FLT4: variants seen among roughly 807,000 people sequenced by gnomAD.
FLT4 encodes the protein vascular endothelial growth factor receptor 3.
FLT4 carries 30 observed loss-of-function variants against 163.2 expected under a neutral mutation model. The ratio of observed to expected loss-of-function variants is 0.18; its 90% CI spans 0.14 to 0.25. The LOEUF is 0.25. Among genes scored for constraint, FLT4 ranks in the 10% least tolerant of loss-of-function variants. The pLI is 1.00. For synonymous variants in FLT4, 884 were observed against 789.5 expected (o/e 1.12, Z -2.01); for missense variants, 1,510 against 1,863.8 (o/e 0.81, Z 3.50).
chr5:180,631,826 C>T (rs199556544), intron 1 of FLT4, 48 bp from the exon 2 acceptor site: 30 of 1,324,058 alleles, frequency 2.3e-5, no homozygotes, highest in East Asian at 1.6e-4. Flanking sequence ...TGACTTGGCA[C>T]GACGTTGATG....
chr5:180,609,165 C>T (rs1761984217), intron 28 of FLT4, 112 bp from the exon 29 acceptor site: 1 of 845,170 alleles, frequency 1.2e-6, no homozygotes, highest in South Asian at 1.3e-5. Context: ...TGACCTAACA[C>T]CTGTCCCTGG....
chr5:180,602,913 G>A lies in FLT4; in HGVS notation c.*279C>T, dbSNP rs763247684. 2.2e-4 allele frequency: 128 copies of A among 588,886 alleles called. No homozygotes were observed. The highest frequency in any genetic ancestry group is 3.6e-4 in the Non-Finnish European group (119 of 330,382). 36.5% of individuals were successfully genotyped at this position (588,886 alleles called of 1,614,324 possible). On this transcript the variant is annotated 3_prime_UTR_variant, in exon 30 of 30. Transcript: ENST00000261937. ...ACATTCCCATGGAAGTGCTGGCCCCGGGACCAGCACCTGCGGATGCTGAAC... is the reference window on the plus strand; with the variant it reads ...ACATTCCCATGGAAGTGCTGGCCCCAGGACCAGCACCTGCGGATGCTGAAC...
At chr5:180,649,397 G>A (rs1336589073) in intron 1 of FLT4, 91 bp downstream of exon 1, 67 of 975,962 alleles carry the variant, frequency 6.9e-5, no homozygotes, top group Admixed American at 6.5e-5. Context: ...CCCGTACCCG[G>A]CGGAGCGGTC....
At position 180,625,732 on chromosome 5, in the gene FLT4, G is replaced by A. The variant is rs562809678; in HGVS notation, c.1421+137C>T. 7 of 811,574 alleles carry A rather than the reference G, an allele frequency of 8.6e-6. No homozygotes were observed. In the African/African-American group the frequency reaches 1.0e-4, roughly 12 times the overall value. 50.3% of individuals were successfully genotyped at this position (811,574 alleles called of 1,614,324 possible). ...GGGATTGGCTATAGCTGAAGGTAGG[G>A]TTCAAGTTCAGAGCAGGGCCCTGAG... On this transcript the variant is annotated intron_variant, in intron 10 of 29. Coordinates refer to ENST00000261937, the MANE Select transcript of FLT4 (RefSeq NM_182925.5).
At chr5:180,603,852 T>C (rs958786999) in intron 29 of FLT4, among the ~76,000 whole-genome samples, 26 of 150,732 alleles carry the variant, frequency 1.7e-4, no homozygotes, top group African/African-American at 3.4e-4. Flanking sequence ...TGCAGTGAGC[T>C]GAGATCGCAC....
At chr5:180,612,776 T>C (rs188695472) in intron 25 of FLT4, among the ~76,000 whole-genome samples, 165 bp from the exon 26 acceptor site, 9 of 151,970 alleles carry the variant, frequency 5.9e-5, no homozygotes, top group Admixed American at 1.3e-4. Flanking sequence ...TAGCCCAGCG[T>C]CCCCTCCTGG....
Position 180,623,965 on chromosome 5 carries a change from G to C in FLT4, c.1518C>G (p.Thr506=). The part of the protein sequence containing the change: ...DAVNPIESLD[T]WTEFVEGKNK... ...TCTTTCCCTCCACAAACTCGGTCCA[G>C]GTGTCCAGGCTCTCGATGGGGTTCA... is the stretch of plus-strand genomic sequence containing the variant. Residue 506 remains threonine (T), a synonymous_variant, in exon 11 of 30, where the codon ACC becomes ACG. Transcript: ENST00000261937. This position sits in a 1 kb window ranked among gnomAD's most constrained non-coding sequence, Gnocchi z 5.8. 1 of 1,613,704 alleles carries C rather than the reference G, an allele frequency of 6.2e-7. No homozygotes were observed.
At position 180,612,497 on chromosome 5, in the gene FLT4, G is replaced by A. The variant is rs937107284; in HGVS notation, c.3537+9C>T. 6.2e-6 allele frequency: 10 copies of A among 1,603,412 alleles called. No individual in the cohort carries two copies. The highest frequency in any genetic ancestry group is 5.0e-5 in the Admixed American group (3 of 59,998). On this transcript the variant is annotated intron_variant, in intron 26 of 29. Coordinates refer to ENST00000261937, the MANE Select transcript of FLT4 (RefSeq NM_182925.5). ...GGCCATAGTAGAACAGGGTGGGGAA[G>A]GGGCTCACTTGCAGGCCCCTGCCCT...
rs772177831 is a variant in FLT4, at chr5:180,620,407, C to T, written c.2407-99G>A. 15 of 1,491,744 alleles carry T rather than the reference C, an allele frequency of 1.0e-5. No homozygotes were observed. The highest frequency in any genetic ancestry group is 4.5e-5 in the East Asian group (2 of 44,102). The allele number at this position is 1,491,744 out of a possible 1,614,324, so 92.4% of individuals were successfully genotyped here. Reference sequence around the variant, plus strand: ...TGCCCAGGACAGATGGCACTTCCTGCGGGGTTCTCAGTCAAGGAGGGGACA... The same window carrying T: ...TGCCCAGGACAGATGGCACTTCCTGTGGGGTTCTCAGTCAAGGAGGGGACA... On this transcript the variant is annotated intron_variant, in intron 16 of 29. Coordinates refer to ENST00000261937, the MANE Select transcript of FLT4 (RefSeq NM_182925.5). This position sits in a 1 kb window ranked among gnomAD's most constrained non-coding sequence, Gnocchi z 4.4.
At chr5:180,615,640 C>T (rs112221238) in intron 23 of FLT4, among the ~76,000 whole-genome samples, 1 of 69,950 alleles carries the variant, frequency 1.4e-5, no homozygotes, top group African/African-American at 5.5e-5. Context: ...CTGGGCCCGC[C>T]GGTCACCTCC....
Position 180,602,971 on chromosome 5 carries a change from G to A in FLT4, c.*221C>T, listed in dbSNP as rs980693941. 17 of 601,170 alleles carry A rather than the reference G, an allele frequency of 2.8e-5. No homozygotes were observed. The African/African-American group carries it at 3.0e-4, about 10-fold the overall frequency. 37.2% of individuals were successfully genotyped at this position (601,170 alleles called of 1,614,324 possible). A position where few individuals can be genotyped will look rare whatever the true frequency, so the allele number is the denominator to read the frequency against. On this transcript the variant is annotated 3_prime_UTR_variant, in exon 30 of 30. Coordinates refer to ENST00000261937, the MANE Select transcript of FLT4 (RefSeq NM_182925.5). ...CATCTGAATCTCAGGGGGAGGGGCCGGGGCAGCTGGAGCGTGGCCCTGGCC... is the reference window on the plus strand; with the variant it reads ...CATCTGAATCTCAGGGGGAGGGGCCAGGGCAGCTGGAGCGTGGCCCTGGCC...
At chr5:180,608,123 T>C (rs1440361848) in intron 29 of FLT4, 1 of 700,466 alleles carries the variant, frequency 1.4e-6, no homozygotes. Context: ...TCACACTCCT[T>C]GTCCACTTTC....
At chr5:180,616,748 C>T (rs1762724683) in intron 22 of FLT4, 152 bp downstream of exon 22, 1 of 829,754 alleles carries the variant, frequency 1.2e-6, no homozygotes, top group Middle Eastern at 2.2e-4. Context: ...AGGTCAACTC[C>T]ATGCTTTGGG....
intron 8 of FLT4, among the ~76,000 whole-genome samples, chr5:180,626,945 G>A (rs1009516687): frequency 6.6e-6 from 1 of 152,246 alleles, no homozygotes; most frequent in African/African-American, 2.4e-5. Context: ...GTCCTATGCT[G>A]TGGCCTGCCC....
chr5:180,618,813 C>T lies in FLT4; in HGVS notation c.2958G>A (p.Ser986=), dbSNP rs1219046807. 3 of 1,586,162 alleles carry T rather than the reference C, an allele frequency of 1.9e-6. No individual in the cohort carries two copies. The highest frequency in any genetic ancestry group is 2.6e-6 in the Non-Finnish European group (3 of 1,167,068). Residue 986 remains serine (S), a synonymous_variant, in exon 21 of 30, where the codon TCG becomes TCA. Coordinates refer to ENST00000261937, the MANE Select transcript of FLT4 (RefSeq NM_182925.5). The part of the protein sequence containing the change: ...SSDRVLFARF[S]KTEGGARRAS... ...CCCGCCTCGCTCCGCCCTCGGTCTT[C>T]GAGAACCGCGCGAAGAGGACCCTGT...
At position 180,618,918 on chromosome 5, in the gene FLT4, C is replaced by T; in HGVS notation, c.2853G>A (p.Glu951=). 6.3e-7 allele frequency: 1 copy of T among 1,585,124 alleles called. No individual in the cohort carries two copies. Among genetic ancestry groups the T allele is most frequent in the Non-Finnish European group, 8.6e-7 (1 of 1,166,600 alleles). ...AGCGTCCGCGCTGCTCGGGAGACTT[C>T]TCCTGCGGATGCACGAAGCTGGCTC... ...AKRDAFSPCA[E]KSPEQRGRFR... is the part of the protein sequence containing the mutation. Residue 951 remains glutamate (E), a splice_region_variant and synonymous_variant, in exon 21 of 30, where the codon GAG becomes GAA. Coordinates refer to ENST00000261937, the MANE Select transcript of FLT4 (RefSeq NM_182925.5).
intron 1 of FLT4, among the ~76,000 whole-genome samples, chr5:180,640,728 G>C (rs1234699996): frequency 6.6e-6 from 1 of 152,200 alleles, no homozygotes; most frequent in Non-Finnish European, 1.5e-5. Flanking sequence ...GTGGGAGTCG[G>C]CCCCTCCCTC....
rs754249016 is a variant in FLT4, at chr5:180,619,036, G to A, written c.2835C>T (p.Ala945=). 34 of 1,553,718 alleles carry A rather than the reference G, an allele frequency of 2.2e-5. No individual in the cohort carries two copies. The East Asian group carries it at 8.0e-4, about 36-fold the overall frequency. Residue 945 remains alanine (A), a synonymous_variant, in exon 20 of 30, where the codon GCC becomes GCT. Coordinates refer to ENST00000261937, the MANE Select transcript of FLT4 (RefSeq NM_182925.5). ...LSNFLRAKRD[A]FSPCAEKSPE... is the part of the protein sequence containing the mutation. The stretch of plus-strand genomic sequence containing the variant: ...GCCCGCTCACCGCGCAGGGGCTGAA[G>A]GCGTCCCGCTTGGCGCGCAGGAAGT...
chr5:180,618,921 C>A lies in FLT4; in HGVS notation c.2851-1G>T. 1 of 1,584,698 alleles carries A rather than the reference C, an allele frequency of 6.3e-7. No individual in the cohort carries two copies. Among genetic ancestry groups the A allele is most frequent in the Non-Finnish European group, 8.6e-7 (1 of 1,166,408 alleles). ...GTCCGCGCTGCTCGGGAGACTTCTC[C>A]TGCGGATGCACGAAGCTGGCTCGAG... On this transcript the variant is annotated splice_acceptor_variant, in intron 20 of 29. Transcript: ENST00000261937. LOFTEE classifies it high-confidence loss of function.
Sources: allele counts gnomAD v4.1 joint callset (sites outside exome capture counted in the v4.1 genomes callset), GRCh38; gene constraint gnomAD v4.1.1; non-coding constraint Gnocchi (gnomAD v3.1); transcripts MANE v1.5; gene names NCBI Gene and HGNC (gene_info 2026-07-23, HGNC 2026-07-21).